UNC5C: variants seen among roughly 807,000 people sequenced by gnomAD.
The protein encoded by UNC5C is unc-5 netrin receptor C.
A neutral mutation model predicts 99.8 loss-of-function variants in UNC5C; 47 were observed. The ratio of observed to expected loss-of-function variants is 0.47; its 90% CI spans 0.37 to 0.60. The LOEUF (loss-of-function observed/expected upper bound fraction) is 0.60, where lower values mean the gene tolerates loss of function less well. UNC5C is among the 20% of genes least tolerant of loss of function. The pLI is 0.00. For synonymous variants in UNC5C, 487 were observed against 452.2 expected, an observed-to-expected ratio of 1.08 and a Z score of -0.98; for missense variants, 1,062 against 1,165.9, an observed-to-expected ratio of 0.91 and a Z score of 1.30.
chr4:95,169,740 C>T (rs767425145), intron 15 of UNC5C, among the ~76,000 whole-genome samples: 63 of 129,906 alleles, frequency 4.8e-4, no homozygotes, highest in African/African-American at 1.2e-3. Context: ...TTGGTAGTGA[C>T]GGTGACACTC....
chr4:95,251,885 T>C (rs1472909069), intron 4 of UNC5C, among the ~76,000 whole-genome samples: 1 of 151,980 alleles, frequency 6.6e-6, no homozygotes, highest in Non-Finnish European at 1.5e-5. Context: ...TAGAGAAAAA[T>C]AAAAATCAAC....
chr4:95,293,004 C>A (rs989910835), intron 3 of UNC5C, among the ~76,000 whole-genome samples: 1 of 151,998 alleles, frequency 6.6e-6, no homozygotes, highest in Admixed American at 6.6e-5. Context: ...AACAATAAAG[C>A]AGGATTAGGA....
At chr4:95,390,859 T>C (rs574660971) in intron 1 of UNC5C, among the ~76,000 whole-genome samples, 43 of 152,210 alleles carry the variant, frequency 2.8e-4, no homozygotes, top group Non-Finnish European at 1.5e-4. Context: ...CCAGAGTAGC[T>C]AGGACTACAG....
chr4:95,202,961 C>T lies in UNC5C; in HGVS notation c.1906G>A (p.Val636Met), dbSNP rs938986045. Residue 636 changes from valine to methionine, a missense_variant, in exon 12 of 16, where the codon GTG becomes ATG. Physicochemically the swap from Val to Met is conservative, Grantham distance 21. Around this residue, in one of 3 missense-constraint regions of UNC5C, gnomAD observed 810 missense variants for 854.5 expected, o/e 0.95. Coordinates refer to ENST00000453304, the MANE Select transcript of UNC5C (RefSeq NM_003728.4). ...NQAAQGQWED[V>M]VVVGEENFTT... The stretch of plus-strand genomic sequence containing the variant: ...AAGTTTTCCTCCCCGACCACCACCA[C>T]ATCCTGGGGGACAAGAGGGAAGGGC... 4 of 1,614,072 alleles carry T rather than the reference C, an allele frequency of 2.5e-6. No individual in the cohort carries two copies. The highest frequency in any genetic ancestry group is 1.3e-5 in the African/African-American group (1 of 75,056).
chr4:95,415,160 C>A (rs1024433405), intron 1 of UNC5C, among the ~76,000 whole-genome samples: 1 of 152,092 alleles, frequency 6.6e-6, no homozygotes, highest in African/African-American at 2.4e-5. Context: ...TGTAAAAGAA[C>A]CAAGTAAATA....
chr4:95,489,479 C>A (rs1336070294), intron 1 of UNC5C, among the ~76,000 whole-genome samples: 2 of 151,666 alleles, frequency 1.3e-5, no homozygotes, highest in East Asian at 2.0e-4. Context: ...ATTAGAAGAT[C>A]ACATGGTAGA....
At chr4:95,494,008 A>G (rs1721571251) in intron 1 of UNC5C, among the ~76,000 whole-genome samples, 1 of 151,526 alleles carries the variant, frequency 6.6e-6, no homozygotes, top group African/African-American at 2.4e-5. Flanking sequence ...AATTTAAACT[A>G]TGATATCAAA....
intron 1 of UNC5C, among the ~76,000 whole-genome samples, chr4:95,436,341 G>T (rs527913482): frequency 6.6e-6 from 1 of 151,946 alleles, no homozygotes. Context: ...TTTTCTTGGA[G>T]GTGGACTCTG....
At chr4:95,379,682 G>A (rs764994843) in intron 1 of UNC5C, among the ~76,000 whole-genome samples, 5 of 152,260 alleles carry the variant, frequency 3.3e-5, no homozygotes, top group Non-Finnish European at 5.9e-5. Flanking sequence ...CTGATAGATC[G>A]ACCTCATTCC....
chr4:95,274,875 A>T (rs952648362), intron 4 of UNC5C, among the ~76,000 whole-genome samples: 28 of 152,090 alleles, frequency 1.8e-4, no homozygotes, highest in Admixed American at 1.0e-3. Flanking sequence ...AAAATACAAA[A>T]ACTAGCCATG....
intron 14 of UNC5C, among the ~76,000 whole-genome samples, chr4:95,172,851 A>T (rs1187188341): frequency 2.0e-5 from 3 of 152,064 alleles, no homozygotes; most frequent in Non-Finnish European, 4.4e-5. Context: ...TTTTCACGAT[A>T]TTGATTCTTC....
chr4:95,337,045 A>G (rs914136325), intron 1 of UNC5C, among the ~76,000 whole-genome samples: 6 of 151,950 alleles, frequency 3.9e-5, no homozygotes, highest in Admixed American at 2.0e-4. Context: ...TGACAAATCC[A>G]TCAGCATGAA....
chr4:95,512,417 A>T (rs915203330), intron 1 of UNC5C, among the ~76,000 whole-genome samples: 1 of 152,114 alleles, frequency 6.6e-6, no homozygotes, highest in African/African-American at 2.4e-5. Context: ...CCTCACTCAC[A>T]GCTAATAATT....
At chr4:95,171,413 C>A (rs950229071) in intron 14 of UNC5C, among the ~76,000 whole-genome samples, 17 of 148,104 alleles carry the variant, frequency 1.1e-4, no homozygotes, top group Non-Finnish European at 2.5e-4. Flanking sequence ...ACAACAGTCC[C>A]CAGAGTGTGA....
chr4:95,364,264 T>C (rs1463936441), intron 1 of UNC5C, among the ~76,000 whole-genome samples: 1 of 152,190 alleles, frequency 6.6e-6, no homozygotes, highest in Non-Finnish European at 1.5e-5. Context: ...TACATCATTG[T>C]GTCTGGAGAT....
intron 3 of UNC5C, 132 bp downstream of exon 3, chr4:95,301,474 C>T (rs1741874098): frequency 3.2e-6 from 4 of 1,248,202 alleles, no homozygotes; most frequent in East Asian, 2.4e-5. Flanking sequence ...GGATTACAGG[C>T]GTGAGTCACC....
At chr4:95,405,762 C>T (rs935594674) in intron 1 of UNC5C, among the ~76,000 whole-genome samples, 1 of 152,172 alleles carries the variant, frequency 6.6e-6, no homozygotes, top group African/African-American at 2.4e-5. Flanking sequence ...GCCTGAACTT[C>T]CCACACGTTA....
At chr4:95,396,672 G>A (rs891180627) in intron 1 of UNC5C, among the ~76,000 whole-genome samples, 4 of 151,970 alleles carry the variant, frequency 2.6e-5, no homozygotes, top group Non-Finnish European at 5.9e-5. Flanking sequence ...TCACCCAATC[G>A]AATGGTGCTT....
intron 1 of UNC5C, among the ~76,000 whole-genome samples, chr4:95,361,276 T>G (rs569548698): frequency 3.3e-5 from 5 of 152,332 alleles, no homozygotes; most frequent in African/African-American, 1.2e-4. Flanking sequence ...GCTGATTTGT[T>G]GTTTTCATAC....
Sources: allele counts gnomAD v4.1 joint callset (sites outside exome capture counted in the v4.1 genomes callset), GRCh38; gene constraint gnomAD v4.1.1; regional missense constraint gnomAD v4.1.1; transcripts MANE v1.5; gene names NCBI Gene and HGNC (gene_info 2026-07-23, HGNC 2026-07-21).